The following PTPRT variants were observed in gnomAD, a reference collection of about 807,000 sequenced individuals.
PTPRT encodes the protein protein tyrosine phosphatase receptor type T, also known as receptor-type tyrosine-protein phosphatase T.
A neutral mutation model predicts 176.8 loss-of-function variants in PTPRT; 56 were observed. The observed-to-expected ratio is 0.32, with a 90% confidence interval of 0.26 to 0.40. The LOEUF (loss-of-function observed/expected upper bound fraction) is 0.40, where lower values mean the gene tolerates loss of function less well. Among genes scored for constraint, PTPRT ranks in the 10% least tolerant of loss-of-function variants. The pLI is 1.00. For missense variants in PTPRT, 1,540 were observed against 1,908.2 expected, an observed-to-expected ratio of 0.81 and a Z score of 3.60; for synonymous variants, 783 against 739.0, an observed-to-expected ratio of 1.06 and a Z score of -0.96.
intron 17 of PTPRT, among the ~76,000 whole-genome samples, chr20:42,154,907 C>T (rs1039753181): frequency 6.6e-6 from 1 of 152,120 alleles, no homozygotes; most frequent in Non-Finnish European, 1.5e-5. Context: ...GGTTCAGAAT[C>T]ACATGCTCTT....
At chr20:42,968,611 G>A (rs1254749831) in intron 1 of PTPRT, 1 of 152,252 alleles carries the variant, frequency 6.6e-6, no homozygotes. Context: ...ATCATAACAA[G>A]ACTGGCATTT....
At chr20:42,431,207 T>A (rs2059213300) in intron 9 of PTPRT, among the ~76,000 whole-genome samples, 2 of 152,162 alleles carry the variant, frequency 1.3e-5, no homozygotes, top group Non-Finnish European at 2.9e-5. Context: ...ACCAATAAGA[T>A]CATTCAATTT....
At chr20:42,883,948 C>T (rs1476115678) in intron 2 of PTPRT, among the ~76,000 whole-genome samples, 3 of 151,642 alleles carry the variant, frequency 2.0e-5, no homozygotes, top group African/African-American at 4.8e-5. Context: ...ACACACCACA[C>T]CCATACACCC....
chr20:43,132,340 A>G (rs2013670839), intron 1 of PTPRT, among the ~76,000 whole-genome samples: 1 of 152,244 alleles, frequency 6.6e-6, no homozygotes, highest in African/African-American at 2.4e-5. Context: ...TAAGCCAAGA[A>G]TAGAAAAAAT....
intron 6 of PTPRT, among the ~76,000 whole-genome samples, chr20:42,705,794 T>C (rs1344462264): frequency 6.6e-6 from 1 of 152,128 alleles, no homozygotes; most frequent in Non-Finnish European, 1.5e-5. Context: ...CTTAGACACA[T>C]GGGGGACTCA....
chr20:42,479,086 A>T (rs1184485571), intron 7 of PTPRT, among the ~76,000 whole-genome samples: 1 of 152,120 alleles, frequency 6.6e-6, no homozygotes, highest in African/African-American at 2.4e-5. Flanking sequence ...TTCTGTATGG[A>T]CTCAGCCTCC....
chr20:43,135,211 C>T (rs2013788600), intron 1 of PTPRT, among the ~76,000 whole-genome samples: 1 of 152,172 alleles, frequency 6.6e-6, no homozygotes, highest in South Asian at 2.1e-4. Context: ...CACGATGCTG[C>T]CAACTGTCGA....
intron 1 of PTPRT, among the ~76,000 whole-genome samples, chr20:43,127,705 G>T (rs1463029767): frequency 6.6e-6 from 1 of 152,170 alleles, no homozygotes; most frequent in Non-Finnish European, 1.5e-5. Context: ...CCAGGTTGGT[G>T]AGTCATGGAC....
In PTPRT at chr20:42,115,189, A is replaced by G. The variant is rs2076248; in HGVS notation, c.3099+10T>C. On this transcript the variant is annotated intron_variant, in intron 22 of 30. Coordinates refer to ENST00000373187, the MANE Select transcript of PTPRT (RefSeq NM_007050.6). ...GTGGACCGGCTGCCCACAGCCTCCA[A>G]GAAGCTTACCTTCTGGACTGTGAAG... 0.52 allele frequency: 840,611 copies of G among 1,604,748 alleles called. 221,498 individuals carry two copies. The highest frequency in any genetic ancestry group is 0.63 in the African/African-American group (46,885 of 74,758).
chr20:42,738,617 C>G (rs1379974414), intron 6 of PTPRT, among the ~76,000 whole-genome samples: 1 of 152,172 alleles, frequency 6.6e-6, no homozygotes, highest in Non-Finnish European at 1.5e-5. Context: ...AGTCGAAGCC[C>G]TGATCCATAT....
intron 7 of PTPRT, among the ~76,000 whole-genome samples, chr20:42,481,777 A>ACAC (rs2071389185): frequency 6.9e-6 from 1 of 144,498 alleles, no homozygotes; most frequent in Non-Finnish European, 1.5e-5. Flanking sequence ...TACACACACA[A>ACAC]ACACACACAC....
intron 1 of PTPRT, among the ~76,000 whole-genome samples, chr20:43,052,520 A>G (rs1201881051): frequency 6.6e-6 from 1 of 152,256 alleles, no homozygotes; most frequent in East Asian, 1.9e-4. Context: ...TAATTGCACA[A>G]TTCTGAACTT....
rs114026038 is a variant in PTPRT, at chr20:42,076,413, G to C, written c.*4466C>G. 10 of 200,478 alleles carry C rather than the reference G, an allele frequency of 5.0e-5. No individual in the cohort carries two copies. The East Asian group carries it at 7.7e-4, about 15-fold the overall frequency. 12.4% of individuals were successfully genotyped at this position (200,478 alleles called of 1,614,324 possible). Reference sequence around the variant, plus strand: ...TGTCCAGCTTCTCTTTTCCCTTTAGGGTTTTGTGGGCTCATCCTTCTCCAC... The same window carrying C: ...TGTCCAGCTTCTCTTTTCCCTTTAGCGTTTTGTGGGCTCATCCTTCTCCAC... On this transcript the variant is annotated 3_prime_UTR_variant, in exon 31 of 31. Coordinates refer to ENST00000373187, the MANE Select transcript of PTPRT (RefSeq NM_007050.6).
intron 1 of PTPRT, among the ~76,000 whole-genome samples, chr20:42,904,880 C>A (rs554967859): frequency 1.3e-5 from 2 of 152,294 alleles, no homozygotes; most frequent in Admixed American, 1.3e-4. Flanking sequence ...AAAGCTGAAA[C>A]TGGATCCCTT....
At chr20:43,091,590 G>A (rs889273952) in intron 1 of PTPRT, among the ~76,000 whole-genome samples, 1 of 151,484 alleles carries the variant, frequency 6.6e-6, no homozygotes, top group Admixed American at 6.6e-5. Flanking sequence ...GGATGAAAAA[G>A]AGATTTTTTC....
Position 42,350,648 on chromosome 20 carries a change from C to A in PTPRT, c.1845G>T (p.Gln615His), listed in dbSNP as rs1568800070. The part of the protein sequence containing the change: ...TTITVMLKPA[Q>H]SRGAPVSVYQ... ...CTCACCTGACAGGAGCTCCCCGGGA[C>A]TGAGCGGGTTTCAGCATCACTGTGA... is the stretch of plus-strand genomic sequence containing the variant. Residue 615 changes from glutamine (Q) to histidine (H), a missense_variant, in exon 11 of 31, where the codon CAG becomes CAT. Physicochemically the swap from Gln to His is conservative, Grantham distance 24. Transcript: ENST00000373187. 6.2e-7 allele frequency: 1 copy of A among 1,612,366 alleles called. No homozygotes were observed. The highest frequency in any genetic ancestry group is 1.1e-5 in the South Asian group (1 of 91,050).
chr20:42,527,286 G>A (rs1042261614), intron 7 of PTPRT, among the ~76,000 whole-genome samples: 1 of 152,026 alleles, frequency 6.6e-6, no homozygotes, highest in Non-Finnish European at 1.5e-5. Flanking sequence ...TTTATTCAGT[G>A]TTTCCTTCCT....
chr20:42,991,176 T>C (rs546947733), intron 1 of PTPRT, among the ~76,000 whole-genome samples: 1 of 152,260 alleles, frequency 6.6e-6, no homozygotes, highest in South Asian at 2.1e-4. Context: ...GTTACATTTA[T>C]CGTGTAAAAA....
chr20:43,067,296 C>A (rs530679032), intron 1 of PTPRT, among the ~76,000 whole-genome samples: 1 of 152,032 alleles, frequency 6.6e-6, no homozygotes, highest in Non-Finnish European at 1.5e-5. Flanking sequence ...AGAACGCAGA[C>A]GGGTGGTTGC....
Sources: gnomAD v4.1 joint callset for allele counts (sites outside exome capture counted in the v4.1 genomes callset) on GRCh38, gnomAD v4.1.1 for gene constraint, MANE v1.5 for transcripts, NCBI Gene and HGNC (gene_info 2026-07-23, HGNC 2026-07-21) for gene names.